NLGN1: variants seen among roughly 807,000 people sequenced by gnomAD.
NLGN1 encodes neuroligin-1.
Under a neutral mutation model 65.5 loss-of-function variants are expected in NLGN1, and 12 were observed. That is an observed-to-expected ratio of 0.18 (90% CI 0.12 to 0.30). The LOEUF is 0.30. NLGN1 is among the 10% of genes least tolerant of loss of function. NLGN1 has a pLI of 1.00. For missense variants in NLGN1, 750 were observed against 1,007.1 expected, an observed-to-expected ratio of 0.74 and a Z score of 3.46; for synonymous variants, 350 against 359.5, an observed-to-expected ratio of 0.97 and a Z score of 0.30.
chr3:174,294,137 T>C, the NLGN1 span, among the ~76,000 whole-genome samples: 1 of 151,916 alleles, frequency 6.6e-6, no homozygotes, highest in African/African-American at 2.4e-5. Flanking sequence ...TAACCAAAAA[T>C]CAGTGTATCA....
chr3:174,293,676 A>T, the NLGN1 span, among the ~76,000 whole-genome samples: 1 of 151,708 alleles, frequency 6.6e-6, no homozygotes, highest in South Asian at 2.1e-4. Flanking sequence ...CAGTCCACAA[A>T]GGCATAGATT....
chr3:174,075,584 C>A (rs940884023), intron 4 of NLGN1, among the ~76,000 whole-genome samples: 3 of 152,066 alleles, frequency 2.0e-5, no homozygotes, highest in African/African-American at 7.2e-5. Context: ...GAGAGTGGAG[C>A]CAGATAGGCA....
chr3:174,090,706 G>A (rs773416884), intron 4 of NLGN1, among the ~76,000 whole-genome samples: 4 of 151,330 alleles, frequency 2.6e-5, no homozygotes, highest in South Asian at 2.1e-4. Flanking sequence ...ATATTTGTAC[G>A]TGACGGAAGG....
intron 1 of NLGN1, among the ~76,000 whole-genome samples, chr3:173,415,902 T>TAG (rs1713612236): frequency 7.6e-6 from 1 of 130,770 alleles, no homozygotes; most frequent in Non-Finnish European, 1.6e-5. Context: ...TATATATATA[T>TAG]ATAGAGAGAG....
chr3:174,030,829 C>T (rs1729868592), intron 4 of NLGN1, among the ~76,000 whole-genome samples: 1 of 152,026 alleles, frequency 6.6e-6, no homozygotes, highest in Non-Finnish European at 1.5e-5. Flanking sequence ...GCAGAATTTC[C>T]CAAAGGCTCA....
chr3:173,519,355 A>G (rs1162672141), intron 2 of NLGN1, among the ~76,000 whole-genome samples: 1 of 152,176 alleles, frequency 6.6e-6, no homozygotes, highest in East Asian at 1.9e-4. Flanking sequence ...GAGGGCCACT[A>G]TCCTCCATAC....
At chr3:173,492,539 T>C (rs756020935) in intron 2 of NLGN1, among the ~76,000 whole-genome samples, 1 of 151,862 alleles carries the variant, frequency 6.6e-6, no homozygotes, top group Non-Finnish European at 1.5e-5. Flanking sequence ...TATTTGGATA[T>C]TTTCTAGGCA....
chr3:173,622,515 GA>G, intron 3 of NLGN1, among the ~76,000 whole-genome samples: 1 of 151,790 alleles, frequency 6.6e-6, no homozygotes, highest in African/African-American at 2.4e-5. Flanking sequence ...GAGCATGATA[GA>G]ATGCCCAAAT....
intron 3 of NLGN1, among the ~76,000 whole-genome samples, chr3:173,643,735 A>C (rs1757770506): frequency 6.6e-6 from 1 of 152,136 alleles, no homozygotes; most frequent in South Asian, 2.1e-4. Context: ...GAGTTGGGGA[A>C]ACAAGACTCT....
At chr3:173,465,882 G>C (rs1724259627) in intron 2 of NLGN1, among the ~76,000 whole-genome samples, 1 of 152,186 alleles carries the variant, frequency 6.6e-6, no homozygotes, top group African/African-American at 2.4e-5. Context: ...GTGAAATAAA[G>C]AGGAGGAAAA....
intron 2 of NLGN1, among the ~76,000 whole-genome samples, chr3:173,530,992 G>T (rs988010745): frequency 1.3e-5 from 2 of 151,898 alleles, no homozygotes; most frequent in Non-Finnish European, 2.9e-5. Context: ...TTTTAAAATC[G>T]TTCTTTCTTC....
intron 3 of NLGN1, among the ~76,000 whole-genome samples, chr3:173,757,744 A>G (rs542591922): frequency 6.6e-6 from 1 of 152,192 alleles, no homozygotes; most frequent in South Asian, 2.1e-4. Context: ...ATATGAAGGA[A>G]TTATCCTTAC....
chr3:173,530,044 G>A (rs945519983), intron 2 of NLGN1, among the ~76,000 whole-genome samples: 3 of 151,052 alleles, frequency 2.0e-5, no homozygotes, highest in East Asian at 1.9e-4. Context: ...TGCAACCCCC[G>A]CCTCCTGGGT....
intron 2 of NLGN1, among the ~76,000 whole-genome samples, chr3:173,502,955 A>C (rs1033758646): frequency 2.0e-5 from 3 of 152,076 alleles, no homozygotes; most frequent in Admixed American, 2.0e-4. Context: ...TTATATATGA[A>C]TCACATTGTG....
chr3:174,203,675 A>G lies in NLGN1; in HGVS notation c.647-71640A>G, dbSNP rs1038116444. ...ACGCTTCCAGCATCACCAACATAGG[A>G]TGCCATCTTATGTGAATATCGACTA... On this transcript the variant is annotated intron_variant, in intron 4 of 6. Transcript: ENST00000457714. Among the ~76,000 whole-genome samples the G allele has an allele frequency of 2.6e-5, 4 of 152,220 alleles. No individual in the cohort carries two copies. The East Asian group carries it at 5.8e-4, about 22-fold the overall frequency.
At chr3:173,541,502 T>A (rs959824703) in intron 2 of NLGN1, among the ~76,000 whole-genome samples, 23 of 152,126 alleles carry the variant, frequency 1.5e-4, no homozygotes, top group African/African-American at 5.5e-4. Context: ...TGTCTATGAT[T>A]CATGAAATTC....
chr3:174,273,291 ACT>A (rs10589673), intron 4 of NLGN1, among the ~76,000 whole-genome samples: 79,060 of 150,314 alleles, frequency 0.53, 21,498 homozygotes, highest in East Asian at 0.69. Flanking sequence ...TCTTTCATTC[ACT>A]CTCTCTCTCT....
At chr3:173,942,760 A>G (rs1746388554) in intron 4 of NLGN1, among the ~76,000 whole-genome samples, 1 of 152,192 alleles carries the variant, frequency 6.6e-6, no homozygotes, top group Non-Finnish European at 1.5e-5. Flanking sequence ...TGACTGACTA[A>G]ATCTTCCACT....
At chr3:174,067,773 A>G (rs555382586) in intron 4 of NLGN1, among the ~76,000 whole-genome samples, 1 of 152,308 alleles carries the variant, frequency 6.6e-6, no homozygotes, top group Middle Eastern at 3.4e-3. Flanking sequence ...TGGAATGATC[A>G]GATTCAACTA....
Sources: gnomAD v4.1 joint callset for allele counts (sites outside exome capture counted in the v4.1 genomes callset) on GRCh38, gnomAD v4.1.1 for gene constraint, MANE v1.5 for transcripts, NCBI Gene and HGNC (gene_info 2026-07-23, HGNC 2026-07-21) for gene names.